ART1: variants seen among roughly 807,000 people sequenced by gnomAD.
ART1 encodes GPI-linked NAD(P)(+)--arginine ADP-ribosyltransferase 1.
A neutral mutation model predicts 27.0 loss-of-function variants in ART1; 29 were observed. The ratio of observed to expected loss-of-function variants is 1.08; its 90% CI spans 0.80 to 1.47. ART1 has a LOEUF of 1.47. Ranked by LOEUF, ART1 falls within the 40% of genes most tolerant of loss-of-function variation. The probability of loss-of-function intolerance (pLI) is 0.00; values close to 1 mark genes in which losing one functional copy is unlikely to be tolerated. For synonymous variants in ART1, 201 were observed against 172.2 expected (o/e 1.17, Z -1.31); for missense variants, 480 against 423.0 (o/e 1.13, Z -1.18).
chr11:3,658,279 G>A lies in ART1; in HGVS notation c.-52-883G>A, dbSNP rs186479705. Among the ~76,000 whole-genome samples the A allele has an allele frequency of 2.3e-3, 349 of 150,646 alleles. 3 individuals are homozygous for A. The East Asian group carries it at 0.033, about 14-fold the overall frequency. On this transcript the variant is annotated intron_variant, in intron 1 of 4. Transcript: ENST00000250693. Reference sequence around the variant, plus strand: ...ACTCAGGAGGTGGAGGATGCAGTGCGCCGAGATCACGCCACTGCACTCCAG... The same window carrying A: ...ACTCAGGAGGTGGAGGATGCAGTGCACCGAGATCACGCCACTGCACTCCAG...
rs189095720 is a variant in ART1, at chr11:3,657,498, T to A, written c.-52-1664T>A. On this transcript the variant is annotated intron_variant, in intron 1 of 4. Coordinates refer to ENST00000250693, the MANE Select transcript of ART1 (RefSeq NM_004314.3). ...GCTGAGGCAGGAGGATCGATTGAGC[T>A]CAGGAGGTCAAGGCTGCAGTGAGCT... Among the ~76,000 whole-genome samples the A allele has an allele frequency of 9.5e-4, 144 of 152,246 alleles. 1 individual carries two copies. In the East Asian group the frequency reaches 9.8e-3, roughly 10 times the overall value.
chr11:3,653,246 A>G (rs2077540718), intron 1 of ART1, among the ~76,000 whole-genome samples: 1 of 148,694 alleles, frequency 6.7e-6, no homozygotes, highest in African/African-American at 2.6e-5. Flanking sequence ...CTCTGAGCCG[A>G]AGCTAAGCCA....
intron 1 of ART1, among the ~76,000 whole-genome samples, chr11:3,652,762 T>C (rs2077535248): frequency 6.6e-6 from 1 of 151,192 alleles, no homozygotes; most frequent in East Asian, 1.9e-4. Flanking sequence ...GTTTACACTG[T>C]TTCTCCAAGC....
chr11:3,661,098 AG>A (rs2133965158), intron 3 of ART1, among the ~76,000 whole-genome samples: 1 of 152,246 alleles, frequency 6.6e-6, no homozygotes, highest in South Asian at 2.1e-4. Context: ...GAAGAGGGAG[AG>A]GTGAGTGTGG....
intron 1 of ART1, among the ~76,000 whole-genome samples, chr11:3,646,657 A>G (rs2077471405): frequency 2.0e-5 from 3 of 152,132 alleles, no homozygotes; most frequent in Non-Finnish European, 4.4e-5. Flanking sequence ...TCTGCCTTTC[A>G]GCCTTCTCTT....
chr11:3,646,260 C>T lies in ART1; in HGVS notation c.-53+1081C>T, dbSNP rs4620748. ...AGGATATTGGGGCTGACTGTGGAGGCGGGGAGATCAGCGAGGAGGAAGGGG... is the reference window on the plus strand; with the variant it reads ...AGGATATTGGGGCTGACTGTGGAGGTGGGGAGATCAGCGAGGAGGAAGGGG... On this transcript the variant is annotated intron_variant, in intron 1 of 4. Transcript: ENST00000250693. 7.2e-3 allele frequency among the ~76,000 whole-genome samples: 1,099 copies of T among 151,894 alleles called. 17 individuals are homozygous for T. Among genetic ancestry groups the T allele is most frequent in the African/African-American group, 0.025 (1,028 of 41,410 alleles).
intron 1 of ART1, among the ~76,000 whole-genome samples, chr11:3,646,582 C>T (rs934104223): frequency 6.6e-6 from 1 of 152,156 alleles, no homozygotes; most frequent in African/African-American, 2.4e-5. Flanking sequence ...CAAAGAGCCT[C>T]TAGAAAGCCA....
chr11:3,661,862 G>C (rs1000789391), intron 4 of ART1, among the ~76,000 whole-genome samples: 2 of 152,216 alleles, frequency 1.3e-5, no homozygotes, highest in African/African-American at 4.8e-5. Flanking sequence ...AGCTGAAGTG[G>C]CACCTTGGGG....
chr11:3,659,486 C>T (rs2077599893), intron 2 of ART1, 97 bp from the exon 3 acceptor site: 3 of 1,446,882 alleles, frequency 2.1e-6, no homozygotes, highest in Non-Finnish European at 2.8e-6. Flanking sequence ...GTTTGGGGCC[C>T]TTCCTGCCTT....
chr11:3,663,015 ATCATC>A (rs201076762), intron 4 of ART1, among the ~76,000 whole-genome samples: 6 of 133,232 alleles, frequency 4.5e-5, no homozygotes, highest in East Asian at 4.6e-4. Flanking sequence ...ATCTCATCTC[ATCATC>A]TCATCTCATC....
At position 3,659,973 on chromosome 11, in the gene ART1, A is replaced by G. The variant is rs1397080192; in HGVS notation, c.454A>G (p.Lys152Glu). The G allele has an allele frequency of 4.3e-6, 7 of 1,613,962 alleles. No individual in the cohort carries two copies. Among genetic ancestry groups the G allele is most frequent in the Non-Finnish European group, 4.2e-6 (5 of 1,179,962 alleles). The part of the protein sequence containing the change: ...RAHYLHHFSF[K>E]TLHFLLTEAL... Reference sequence around the variant, plus strand: ...CCACTACCTCCACCACTTCTCCTTCAAGACACTCCATTTCCTGCTGACTGA... The same window carrying G: ...CCACTACCTCCACCACTTCTCCTTCGAGACACTCCATTTCCTGCTGACTGA... The change falls in exon 3 of 5, where the codon AAG (lysine) becomes GAG (glutamate). Residue 152 changes from lysine (K) to glutamate (E), a missense_variant. Physicochemically the swap from Lys to Glu is moderately conservative, Grantham distance 56 (BLOSUM62 1). Transcript: ENST00000250693.
chr11:3,663,104 C>CATG (rs2077634906), intron 4 of ART1, among the ~76,000 whole-genome samples: 9 of 115,592 alleles, frequency 7.8e-5, no homozygotes, highest in African/African-American at 3.4e-4. Context: ...CTCATCTCAT[C>CATG]TCATCTCATC....
rs1208587452 is a variant in ART1 at position 3,659,710 on chromosome 11, T to G, written c.191T>G (p.Leu64Arg). The G allele has an allele frequency of 6.2e-7, 1 of 1,613,982 alleles. No individual in the cohort carries two copies. The highest frequency in any genetic ancestry group is 1.3e-5 in the African/African-American group (1 of 75,014). ...AAAMTAALPD[L>R]NHTEFQANQV... ...GCCATGACAGCTGCTCTCCCGGATC[T>G]CAACCACACGGAGTTCCAGGCCAAC... is the stretch of plus-strand genomic sequence containing the variant. The change falls in exon 3 of 5, where the codon CTC becomes CGC. Residue 64 changes from leucine to arginine, a missense_variant. Physicochemically the swap from Leu to Arg is moderately radical, Grantham distance 102. Transcript: ENST00000250693.
At chr11:3,655,324 G>A (rs1004728953) in intron 1 of ART1, among the ~76,000 whole-genome samples, 4 of 115,856 alleles carry the variant, frequency 3.5e-5, no homozygotes, top group Non-Finnish European at 8.4e-5. Flanking sequence ...GAGCGGCAAA[G>A]TCAGACAGAG....
Position 3,664,346 on chromosome 11 carries a change from G to T in ART1, c.*157G>T. The T allele has an allele frequency of 1.4e-6, 1 of 691,648 alleles. No individual in the cohort carries two copies. The highest frequency in any genetic ancestry group is 2.5e-6 in the Non-Finnish European group (1 of 406,198). 42.8% of individuals were successfully genotyped at this position (691,648 alleles called of 1,614,324 possible). A position where few individuals can be genotyped will look rare whatever the true frequency, so the allele number is the denominator to read the frequency against. On this transcript the variant is annotated 3_prime_UTR_variant, in exon 5 of 5. Coordinates refer to ENST00000250693, the MANE Select transcript of ART1 (RefSeq NM_004314.3). ...TGCCAGACCGGCTGGTGGAGAAACA[G>T]GAGACAATCTGGGGACTGAACCTTA... is the stretch of plus-strand genomic sequence containing the variant.
At chr11:3,661,470 G>C in intron 4 of ART1, 57 bp downstream of exon 4, 1 of 1,311,194 alleles carries the variant, frequency 7.6e-7, no homozygotes, top group African/African-American at 1.5e-5. Flanking sequence ...CTGCTCTGGG[G>C]TTGGCCCCAT....
intron 1 of ART1, among the ~76,000 whole-genome samples, chr11:3,646,360 C>G (rs1205664023): frequency 5.3e-5 from 8 of 152,138 alleles, no homozygotes; most frequent in African/African-American, 1.9e-4. Flanking sequence ...TCTCACCCAG[C>G]ATTAGTTGGC....
At chr11:3,655,214 A>G (rs2077562710) in intron 1 of ART1, among the ~76,000 whole-genome samples, 3 of 152,196 alleles carry the variant, frequency 2.0e-5, no homozygotes, top group Non-Finnish European at 4.4e-5. Flanking sequence ...TCTTCCAAAG[A>G]AAAGACTCTC....
In ART1 at chr11:3,663,688, C is replaced by T. The variant is rs147947272; in HGVS notation, c.887-404C>T. 4.3e-5 allele frequency: 7 copies of T among 163,154 alleles called. No individual in the cohort carries two copies. In the East Asian group the frequency reaches 1.3e-3, roughly 30 times the overall value. 10.1% of individuals were successfully genotyped at this position (163,154 alleles called of 1,614,324 possible). On this transcript the variant is annotated intron_variant, in intron 4 of 4. Coordinates refer to ENST00000250693, the MANE Select transcript of ART1 (RefSeq NM_004314.3). ...CACTGTAGCCTCAAACTCTTGGGCTCAAGCGATCCTCCCACCTCAGCCTCC... is the reference window on the plus strand; with the variant it reads ...CACTGTAGCCTCAAACTCTTGGGCTTAAGCGATCCTCCCACCTCAGCCTCC...
Sources: gnomAD v4.1 joint callset for allele counts (sites outside exome capture counted in the v4.1 genomes callset) on GRCh38, gnomAD v4.1.1 for gene constraint, MANE v1.5 for transcripts, NCBI Gene and HGNC (gene_info 2026-07-23, HGNC 2026-07-21) for gene names.